MED1: variants seen among roughly 807,000 people sequenced by gnomAD.
MED1 encodes mediator complex subunit 1.
MED1 carries 17 observed loss-of-function variants against 121.3 expected under a neutral mutation model. The ratio of observed to expected loss-of-function variants is 0.14; its 90% CI spans 0.10 to 0.21. MED1 has a LOEUF of 0.21. Among genes scored for constraint, MED1 ranks in the 10% least tolerant of loss-of-function variants. The pLI is 1.00. For missense variants in MED1, 1,558 were observed against 1,919.4 expected, an observed-to-expected ratio of 0.81 and a Z score of 3.52; for synonymous variants, 661 against 694.4, an observed-to-expected ratio of 0.95 and a Z score of 0.76.
intron 3 of MED1, among the ~76,000 whole-genome samples, chr17:39,441,274 G>A (rs2048672096): frequency 2.6e-5 from 4 of 152,186 alleles, no homozygotes; most frequent in Admixed American, 2.6e-4. Flanking sequence ...CATAAAGACA[G>A]GAAGCAGAAT....
At chr17:39,443,432 A>G in intron 3 of MED1, 118 bp downstream of exon 3, 1 of 717,618 alleles carries the variant, frequency 1.4e-6, no homozygotes, top group African/African-American at 1.8e-5. Context: ...ATGCAAGAGC[A>G]ATATCTAATA....
At chr17:39,412,629 C>A (rs2048368110) in intron 16 of MED1, among the ~76,000 whole-genome samples, 1 of 151,302 alleles carries the variant, frequency 6.6e-6, no homozygotes, top group Admixed American at 6.6e-5. Flanking sequence ...ACTTCCGCCT[C>A]CCAGGTTCAA....
At position 39,413,932 on chromosome 17, in the gene MED1, AAAAAAC is replaced by A. The variant is rs2048380276; in HGVS notation, c.1499+1088_1499+1093del. Among the ~76,000 whole-genome samples, 5 of 150,040 alleles carry A rather than the reference AAAAAAC, an allele frequency of 3.3e-5. No homozygotes were observed. In the East Asian group the frequency reaches 5.9e-4, roughly 18 times the overall value. On this transcript the variant is annotated intron_variant, in intron 16 of 16. Transcript: ENST00000300651. The stretch of plus-strand genomic sequence containing the variant: ...ATCATTAAAAAAAAAAAAAAAAAAA[AAAAAAC>A]AAAGCTGGCTGTGTGCAGTGGCTCA...
At chr17:39,439,017 G>A in intron 6 of MED1, 148 bp downstream of exon 6, 1 of 675,112 alleles carries the variant, frequency 1.5e-6, no homozygotes. Context: ...GTCAATTCAG[G>A]ACGTGATTAA....
chr17:39,412,110 G>A (rs1366941495), intron 16 of MED1, among the ~76,000 whole-genome samples: 1 of 150,882 alleles, frequency 6.6e-6, no homozygotes, highest in East Asian at 1.9e-4. Context: ...TGCTATTTCT[G>A]TTATAAATCT....
intron 8 of MED1, among the ~76,000 whole-genome samples, 174 bp downstream of exon 8, chr17:39,431,768 T>C (rs1010376634): frequency 6.6e-6 from 1 of 152,136 alleles, no homozygotes; most frequent in Non-Finnish European, 1.5e-5. Context: ...ATAAAACCTA[T>C]GGTAACCAAC....
At position 39,421,834 on chromosome 17, in the gene MED1, G is replaced by A. The variant is rs1487256271; in HGVS notation, c.1095+1493C>T. 2.0e-5 allele frequency among the ~76,000 whole-genome samples: 3 copies of A among 151,550 alleles called. No homozygotes were observed. The East Asian group carries it at 6.0e-4, about 30-fold the overall frequency. ...TTCTAAAAGTTCAAAATACCATTAA[G>A]AGTCTGTCACCCCGCCAGGCAAGGT... is the stretch of plus-strand genomic sequence containing the variant. On this transcript the variant is annotated intron_variant, in intron 13 of 16. Transcript: ENST00000300651.
chr17:39,408,835 C>T lies in MED1; in HGVS notation c.3386G>A (p.Ser1129Asn), dbSNP rs1567638018. 1 of 1,614,084 alleles carries T rather than the reference C, an allele frequency of 6.2e-7. No individual in the cohort carries two copies. The highest frequency in any genetic ancestry group is 1.3e-5 in the African/African-American group (1 of 75,030). The part of the protein sequence containing the change: ...SEGSSSSKLS[S>N]SMYSSQGSSG... The stretch of plus-strand genomic sequence containing the variant: ...AGACCCCTGGCTAGAATACATACTG[C>T]TACTTAACTTGGAACTTGATGAACC... Residue 1129 changes from serine to asparagine, a missense_variant, in exon 17 of 17, where the codon AGC (serine) becomes AAC (asparagine). By Grantham distance (46) the Ser-to-Asn change is conservative. Transcript: ENST00000300651. This position sits in a 1 kb window ranked among gnomAD's most constrained non-coding sequence, Gnocchi z 4.7.
intron 1 of MED1, among the ~76,000 whole-genome samples, chr17:39,450,164 G>A (rs2048768569): frequency 6.6e-6 from 1 of 151,704 alleles, no homozygotes; most frequent in South Asian, 2.1e-4. Context: ...TGCCCAGGCT[G>A]GTCGCGAACT....
chr17:39,411,415 G>GT (rs1473604886), intron 16 of MED1, among the ~76,000 whole-genome samples: 1 of 151,634 alleles, frequency 6.6e-6, no homozygotes, highest in Non-Finnish European at 1.5e-5. Context: ...CGGGTCAGGA[G>GT]TTTGAGACCA....
At position 39,451,145 on chromosome 17, in the gene MED1, A is replaced by T. The variant is rs1211537125; in HGVS notation, c.-83T>A. 1 of 1,519,780 alleles carries T rather than the reference A, an allele frequency of 6.6e-7. No homozygotes were observed. The highest frequency in any genetic ancestry group is 9.1e-7 in the Non-Finnish European group (1 of 1,102,038). The allele number at this position is 1,519,780 out of a possible 1,614,324, so 94.1% of individuals were successfully genotyped here. On this transcript the variant is annotated 5_prime_UTR_variant, in exon 1 of 17. Transcript: ENST00000300651. The stretch of plus-strand genomic sequence containing the variant: ...AACGGAGGAAACAAGTTGGCTCGGG[A>T]TCCCGGGACGCAGGGCACCAGCAGT...
At chr17:39,446,373 C>T (rs2048727153) in intron 2 of MED1, among the ~76,000 whole-genome samples, 1 of 149,588 alleles carries the variant, frequency 6.7e-6, no homozygotes, top group Non-Finnish European at 1.5e-5. Flanking sequence ...CGGCATGAAC[C>T]CGGGAGGCAA....
rs765904273 is a variant in MED1 at position 39,451,084 on chromosome 17, G to C, written c.-22C>G. 4 of 1,609,880 alleles carry C rather than the reference G, an allele frequency of 2.5e-6. No homozygotes were observed. The highest frequency in any genetic ancestry group is 3.4e-6 in the Non-Finnish European group (4 of 1,178,256). ...TCATCCTGAAGGCGAGGAGAAGCTA[G>C]ATCCGCCACAAAAGGATAAGCCCTT... On this transcript the variant is annotated 5_prime_UTR_variant, in exon 1 of 17. The change creates a new upstream start codon in the 5' untranslated region. Transcript: ENST00000300651.
chr17:39,444,439 G>A (rs199612693), intron 2 of MED1, among the ~76,000 whole-genome samples: 88 of 148,684 alleles, frequency 5.9e-4, no homozygotes, highest in Non-Finnish European at 1.2e-3. Context: ...CCCAGGAGGC[G>A]GAGGTTGCAG....
chr17:39,409,125 G>C lies in MED1; in HGVS notation c.3096C>G (p.Thr1032=), dbSNP rs768268166. The C allele has an allele frequency of 1.2e-6, 2 of 1,614,090 alleles. No homozygotes were observed. Among genetic ancestry groups the C allele is most frequent in the Admixed American group, 3.3e-5 (2 of 60,012 alleles). ...TAGATCCACCTGTACTGGTAGGTGGGGTAAAAGGTCTGTTAGAAGAACTAT... is the reference window on the plus strand; with the variant it reads ...TAGATCCACCTGTACTGGTAGGTGGCGTAAAAGGTCTGTTAGAAGAACTAT... ...PSHSSSNRPF[T]PPTSTGGSKS... is the part of the protein sequence containing the mutation. The change falls in exon 17 of 17, where the codon ACC becomes ACG. Residue 1032 remains threonine (T), a synonymous_variant. Transcript: ENST00000300651.
At chr17:39,411,801 C>A (rs1332954120) in intron 16 of MED1, among the ~76,000 whole-genome samples, 1 of 151,910 alleles carries the variant, frequency 6.6e-6, no homozygotes, top group Non-Finnish European at 1.5e-5. Flanking sequence ...AGTTTTGAGA[C>A]CAGCCTGGCC....
chr17:39,405,270 C>T lies in MED1; in HGVS notation c.*2205G>A. Reference sequence around the variant, plus strand: ...GGTGAGCCCATCGACAATTCAGGGGCTTATCCTTCATCCAGATCCTAACTC... The same window carrying T: ...GGTGAGCCCATCGACAATTCAGGGGTTTATCCTTCATCCAGATCCTAACTC... On this transcript the variant is annotated 3_prime_UTR_variant, in exon 17 of 17. Coordinates refer to ENST00000300651, the MANE Select transcript of MED1 (RefSeq NM_004774.4). The T allele has an allele frequency of 6.2e-7, 1 of 1,604,098 alleles. No homozygotes were observed. Among genetic ancestry groups the T allele is most frequent in the Non-Finnish European group, 8.5e-7 (1 of 1,175,854 alleles).
intron 16 of MED1, among the ~76,000 whole-genome samples, chr17:39,413,111 G>C (rs148741835): frequency 1.3e-5 from 2 of 151,958 alleles, no homozygotes; most frequent in African/African-American, 2.4e-5. Flanking sequence ...ATCTTGCTCT[G>C]TCTACCAGGC....
intron 12 of MED1, 37 bp downstream of exon 12, chr17:39,423,660 T>C: frequency 6.2e-7 from 1 of 1,613,270 alleles, no homozygotes; most frequent in Non-Finnish European, 8.5e-7. Flanking sequence ...TTTTTCACAT[T>C]TATAACAAGT....
Sources: allele counts gnomAD v4.1 joint callset (sites outside exome capture counted in the v4.1 genomes callset), GRCh38; gene constraint gnomAD v4.1.1; non-coding constraint Gnocchi (gnomAD v3.1); transcripts MANE v1.5; gene names NCBI Gene and HGNC (gene_info 2026-07-23, HGNC 2026-07-21).